The following PTPN4 variants were observed in gnomAD, a reference collection of about 807,000 sequenced individuals.
The protein encoded by PTPN4 is protein tyrosine phosphatase non-receptor type 4.
PTPN4 carries 49 observed loss-of-function variants against 135.5 expected under a neutral mutation model. The observed-to-expected ratio is 0.36, with a 90% CI of 0.29 to 0.46. The LOEUF is 0.46. PTPN4 is among the 20% of genes least tolerant of loss of function. The pLI is 1.00. For missense variants in PTPN4, 860 were observed against 1,101.0 expected (o/e 0.78, Z 3.10); for synonymous variants, 333 against 369.9 (o/e 0.90, Z 1.14).
intron 1 of PTPN4, among the ~76,000 whole-genome samples, chr2:119,800,856 T>G (rs1301007640): frequency 6.6e-6 from 1 of 152,156 alleles, no homozygotes; most frequent in South Asian, 2.1e-4. Flanking sequence ...GTACCTTTGT[T>G]AAAAATCAGT....
intron 12 of PTPN4, among the ~76,000 whole-genome samples, chr2:119,921,051 C>A (rs1678729834): frequency 6.6e-6 from 1 of 152,128 alleles, no homozygotes; most frequent in Non-Finnish European, 1.5e-5. Context: ...GAGGCCGAGG[C>A]AGGCGGATCA....
In PTPN4 at chr2:119,944,238, G is replaced by A. The variant is rs113495550; in HGVS notation, c.1356-843G>A. Among the ~76,000 whole-genome samples, 360 of 152,246 alleles carry A rather than the reference G, an allele frequency of 2.4e-3. 4 individuals are homozygous for A. Among genetic ancestry groups the A allele is most frequent in the African/African-American group, 8.2e-3 (339 of 41,546 alleles). On this transcript the variant is annotated intron_variant, in intron 15 of 26. Coordinates refer to ENST00000263708, the MANE Select transcript of PTPN4 (RefSeq NM_002830.4). ...TTATCAGATAATAACGCCAATAGTG[G>A]TCAGTGTTCTTATCAAGAACAATTT...
At chr2:119,831,628 A>T (rs1238751391) in intron 2 of PTPN4, among the ~76,000 whole-genome samples, 18 of 151,548 alleles carry the variant, frequency 1.2e-4, no homozygotes, top group South Asian at 2.1e-4. Context: ...TCCCTGTTAA[A>T]CTCTTTAGCT....
At chr2:119,885,358 T>C (rs1295439704) in intron 8 of PTPN4, among the ~76,000 whole-genome samples, 2 of 152,204 alleles carry the variant, frequency 1.3e-5, no homozygotes, top group African/African-American at 2.4e-5. Flanking sequence ...GGTTCCATAC[T>C]GTGAATCAAC....
At chr2:119,912,885 T>C (rs919063295) in intron 10 of PTPN4, among the ~76,000 whole-genome samples, 1 of 152,172 alleles carries the variant, frequency 6.6e-6, no homozygotes, top group Non-Finnish European at 1.5e-5. Flanking sequence ...TTTTCTATGC[T>C]TTTTATTTGC....
chr2:119,783,464 G>C (rs1690984414), intron 1 of PTPN4, among the ~76,000 whole-genome samples: 1 of 152,230 alleles, frequency 6.6e-6, no homozygotes, highest in Non-Finnish European at 1.5e-5. Flanking sequence ...ATTGAGTGCA[G>C]TGAATCAGAT....
At chr2:119,813,373 T>C (rs1027922986) in intron 2 of PTPN4, among the ~76,000 whole-genome samples, 5 of 151,808 alleles carry the variant, frequency 3.3e-5, no homozygotes, top group Admixed American at 3.3e-4. Flanking sequence ...TCAGCCTCCC[T>C]AGTAGCTGGG....
rs771010393 is a variant in PTPN4 at position 119,915,262 on chromosome 2, T to G, written c.828+20T>G. ...GAATTGGTGAGTACGGATTTAATAA[T>G]TATTGACATAAATGAAGCCTTTTAA... On this transcript the variant is annotated intron_variant, in intron 11 of 26. Transcript: ENST00000263708. 6.7e-7 allele frequency: 1 copy of G among 1,495,670 alleles called. No homozygotes were observed. The highest frequency in any genetic ancestry group is 1.3e-5 in the South Asian group (1 of 76,390). 92.6% of individuals were successfully genotyped at this position (1,495,670 alleles called of 1,614,324 possible).
In PTPN4 at chr2:119,882,528, A is replaced by G; in HGVS notation, c.492A>G (p.Ser164=). 2.6e-6 allele frequency: 4 copies of G among 1,548,028 alleles called. No homozygotes were observed. Among genetic ancestry groups the G allele is most frequent in the Non-Finnish European group, 3.5e-6 (4 of 1,141,394 alleles). Residue 164 remains serine, a synonymous_variant, in exon 8 of 27, where the codon TCA becomes TCG. Transcript: ENST00000263708. Reference sequence around the variant, plus strand: ...CTGAACTTGGAGACTACGATCAGTCAGAGAACTTGTCAGGCTACCTCTCAG... The same window carrying G: ...CTGAACTTGGAGACTACGATCAGTCGGAGAACTTGTCAGGCTACCTCTCAG... ...VQSELGDYDQ[S]ENLSGYLSDY...
chr2:119,967,567 C>T (rs1679463426), intron 25 of PTPN4, among the ~76,000 whole-genome samples: 1 of 152,042 alleles, frequency 6.6e-6, no homozygotes, highest in Non-Finnish European at 1.5e-5. Flanking sequence ...AGCTTCTATT[C>T]CTTGTTCAGA....
At chr2:119,968,564 G>A (rs1014913850) in intron 26 of PTPN4, among the ~76,000 whole-genome samples, 21 of 152,138 alleles carry the variant, frequency 1.4e-4, no homozygotes, top group Admixed American at 3.9e-4. Context: ...GGCCGAGGCG[G>A]GCGGATCACG....
At chr2:119,949,589 T>C (rs1310449565) in intron 18 of PTPN4, among the ~76,000 whole-genome samples, 1 of 152,166 alleles carries the variant, frequency 6.6e-6, no homozygotes, top group African/African-American at 2.4e-5. Flanking sequence ...GCCTATAATC[T>C]TAGCACTTTG....
chr2:119,920,666 T>A (rs1678723991), intron 12 of PTPN4, among the ~76,000 whole-genome samples: 1 of 152,232 alleles, frequency 6.6e-6, no homozygotes, highest in South Asian at 2.1e-4. Context: ...AAACCCTTTA[T>A]TGTAAAGTGT....
At chr2:119,876,368 G>A (rs1574382545) in intron 3 of PTPN4, among the ~76,000 whole-genome samples, 1 of 152,148 alleles carries the variant, frequency 6.6e-6, no homozygotes, top group East Asian at 1.9e-4. Context: ...ATGATAAATT[G>A]ATAAATTCTA....
chr2:119,915,940 C>T (rs970113240), intron 11 of PTPN4: 2 of 152,028 alleles, frequency 1.3e-5, no homozygotes, highest in Non-Finnish European at 1.5e-5. Flanking sequence ...CCTGTAATCC[C>T]AGCACTTTGA....
intron 2 of PTPN4, 92 bp from the exon 3 acceptor site, chr2:119,862,444 A>G: frequency 1.7e-6 from 2 of 1,160,932 alleles, no homozygotes; most frequent in South Asian, 1.4e-5. Flanking sequence ...TAAATGGGTT[A>G]ATAGATGAGG....
intron 2 of PTPN4, among the ~76,000 whole-genome samples, chr2:119,853,476 A>G (rs1435264464): frequency 6.6e-6 from 1 of 152,176 alleles, no homozygotes; most frequent in African/African-American, 2.4e-5. Flanking sequence ...GATTCTTGCT[A>G]TTATAATGTA....
At chr2:119,838,361 C>A (rs376224748) in intron 2 of PTPN4, among the ~76,000 whole-genome samples, 1 of 152,068 alleles carries the variant, frequency 6.6e-6, no homozygotes, top group African/African-American at 2.4e-5. Flanking sequence ...CGCCAGCCAC[C>A]GAGGTTTCTG....
At chr2:119,777,610 C>G (rs1690860201) in intron 1 of PTPN4, among the ~76,000 whole-genome samples, 1 of 152,072 alleles carries the variant, frequency 6.6e-6, no homozygotes, top group Admixed American at 6.6e-5. Context: ...TGATTCGAGC[C>G]TTTAGTTATA....
Sources: gnomAD v4.1 joint callset for allele counts (sites outside exome capture counted in the v4.1 genomes callset) on GRCh38, gnomAD v4.1.1 for gene constraint, MANE v1.5 for transcripts, NCBI Gene and HGNC (gene_info 2026-07-23, HGNC 2026-07-21) for gene names.